The following DOCK11 variants were observed in gnomAD, a reference collection of about 807,000 sequenced individuals.
DOCK11 encodes the protein dedicator of cytokinesis protein 11.
Under a neutral mutation model 169.1 loss-of-function variants are expected in DOCK11, and 70 were observed. The observed-to-expected ratio is 0.41, with a 90% CI of 0.34 to 0.51. The LOEUF (loss-of-function observed/expected upper bound fraction) is 0.51, where lower values mean the gene tolerates loss of function less well. Among genes scored for constraint, DOCK11 ranks in the 20% least tolerant of loss-of-function variants. The pLI, the probability that DOCK11 is intolerant of heterozygous loss-of-function variation, is 0.10. For synonymous variants in DOCK11, 529 were observed against 541.3 expected, an observed-to-expected ratio of 0.98 and a Z score of 0.32; for missense variants, 1,166 against 1,538.8, an observed-to-expected ratio of 0.76 and a Z score of 4.05.
chrX:118,576,653 A>G (rs1164713337), intron 12 of DOCK11, among the ~76,000 whole-genome samples: 1 of 112,333 alleles, frequency 8.9e-6, no homozygotes, highest in Non-Finnish European at 1.9e-5. Context: ...AGCGCAGTGC[A>G]GCGTAGCAGC....
At chrX:118,551,730 AG>A (rs1275610252) in intron 6 of DOCK11, among the ~76,000 whole-genome samples, 1 of 111,390 alleles carries the variant, frequency 9.0e-6, no homozygotes. Context: ...TTCTTTGGAA[AG>A]TTTGAAATTA....
chrX:118,597,944 GA>G, intron 21 of DOCK11, 85 bp from the exon 22 acceptor site: 6 of 720,339 alleles, frequency 8.3e-6, no homozygotes, highest in East Asian at 3.5e-5. Context: ...ATTCATTTCT[GA>G]AAAAAATGTT....
chrX:118,496,685 G>A (rs930824034), intron 1 of DOCK11, among the ~76,000 whole-genome samples: 1 of 112,033 alleles, frequency 8.9e-6, no homozygotes, highest in African/African-American at 3.2e-5. Flanking sequence ...GTGCTGCTGC[G>A]GAGGAAGGGC....
intron 24 of DOCK11, among the ~76,000 whole-genome samples, chrX:118,607,082 T>C (rs1203260595): frequency 9.4e-6 from 1 of 106,923 alleles, no homozygotes; most frequent in Non-Finnish European, 1.9e-5. Flanking sequence ...TTCCTTTCCT[T>C]TTCCCTTTCC....
At chrX:118,531,040 G>A (rs1374587553) in intron 1 of DOCK11, among the ~76,000 whole-genome samples, 1 of 111,748 alleles carries the variant, frequency 8.9e-6, no homozygotes, top group Non-Finnish European at 1.9e-5. Context: ...CTCAAGCATT[G>A]AAAACTAACC....
In DOCK11 at chrX:118,495,935, T is replaced by TCCGC. The variant is rs1224975659; in HGVS notation, c.-27_-24dup. 1.0e-6 allele frequency: 1 copy of TCCGC among 978,020 alleles called. No homozygotes were observed. Among genetic ancestry groups the TCCGC allele is most frequent in the Non-Finnish European group, 1.3e-6 (1 of 763,890 alleles). The allele number at this position is 978,020 out of a possible 1,213,427, so 80.6% of individuals were successfully genotyped here. A position where few individuals can be genotyped will look rare whatever the true frequency, so the allele number is the denominator to read the frequency against. Reference sequence around the variant, plus strand: ...CAGTGAGTCCACCCGCCCGCCGAGGTCCGCCCGCCCGCCGAGACCCGCCCG... The same window carrying TCCGC: ...CAGTGAGTCCACCCGCCCGCCGAGGTCCGCCCGCCCGCCCGCCGAGACCCGCCCG... On this transcript the variant is annotated 5_prime_UTR_variant, in exon 1 of 53. Transcript: ENST00000276202.
intron 1 of DOCK11, among the ~76,000 whole-genome samples, chrX:118,525,110 A>C (rs2011344493): frequency 9.2e-6 from 1 of 108,770 alleles, no homozygotes; most frequent in Admixed American, 9.8e-5. Context: ...GCGCCACTGC[A>C]CTCCAGTCTG....
In DOCK11 at chrX:118,648,948, C is replaced by T; in HGVS notation, c.4402C>T (p.Pro1468Ser). Residue 1468 changes from proline to serine, a missense_variant, in exon 41 of 53, where the codon CCT becomes TCT. Physicochemically the swap from Pro to Ser is moderately conservative, Grantham distance 74. Coordinates refer to ENST00000276202, the MANE Select transcript of DOCK11 (RefSeq NM_144658.4). The part of the protein sequence containing the change: ...ASLRAFISKF[P>S]SAFFKGRVNM... ...TTCTGTTTTCCCTGTTCTTTAGTTT[C>T]CTTCAGCATTTTTCAAAGGAAGAGT... 8.5e-7 allele frequency: 1 copy of T among 1,172,800 alleles called. No homozygotes were observed. The highest frequency in any genetic ancestry group is 1.1e-6 in the Non-Finnish European group (1 of 879,622).
intron 31 of DOCK11, among the ~76,000 whole-genome samples, chrX:118,619,886 C>T (rs960505812): frequency 3.7e-5 from 4 of 107,338 alleles, no homozygotes; most frequent in Admixed American, 1.0e-4. Flanking sequence ...GGTGCGATCT[C>T]GGCTCACTGC....
At chrX:118,601,937 C>G (rs1001443926) in intron 23 of DOCK11, among the ~76,000 whole-genome samples, 1 of 104,712 alleles carries the variant, frequency 9.6e-6, no homozygotes, top group Non-Finnish European at 2.0e-5. Context: ...GCCACCATGC[C>G]CAGCTAATTT....
At chrX:118,643,639 C>CA in intron 40 of DOCK11, 45 bp downstream of exon 40, 1 of 1,185,137 alleles carries the variant, frequency 8.4e-7, no homozygotes, top group Non-Finnish European at 1.1e-6. Context: ...CTCTTCATTG[C>CA]AAAAAGGAAA....
intron 41 of DOCK11, 97 bp from the exon 42 acceptor site, chrX:118,651,867 G>C (rs2147540519): frequency 1.9e-6 from 1 of 535,384 alleles, no homozygotes; most frequent in East Asian, 3.5e-5. Flanking sequence ...TTTAAAAGAA[G>C]CATTTCATGT....
At chrX:118,606,637 G>T (rs1603111891) in intron 24 of DOCK11, among the ~76,000 whole-genome samples, 3 of 112,135 alleles carry the variant, frequency 2.7e-5, no homozygotes, top group Middle Eastern at 9.3e-3. Context: ...CTCTGCTGTT[G>T]CCACAACCTC....
chrX:118,648,556 TTA>T (rs756985022), intron 40 of DOCK11, among the ~76,000 whole-genome samples: 9 of 94,786 alleles, frequency 9.5e-5, no homozygotes, highest in East Asian at 3.0e-4. Flanking sequence ...ATAACATAAA[TTA>T]TATATATTAT....
chrX:118,668,926 G>A (rs747805746), intron 45 of DOCK11, among the ~76,000 whole-genome samples: 134 of 111,718 alleles, frequency 1.2e-3, no homozygotes, highest in Middle Eastern at 4.6e-3. Context: ...CTAGTAGTTC[G>A]CTGTTGTTAT....
At chrX:118,588,092 A>G in intron 16 of DOCK11, 45 bp from the exon 17 acceptor site, 2 of 1,014,260 alleles carry the variant, frequency 2.0e-6, no homozygotes, top group Non-Finnish European at 1.3e-6. Flanking sequence ...TGTGTTAATG[A>G]TTATTAAACT....
At chrX:118,522,363 A>C (rs2011285614) in intron 1 of DOCK11, among the ~76,000 whole-genome samples, 1 of 111,446 alleles carries the variant, frequency 9.0e-6, no homozygotes. Flanking sequence ...CCTGGCTTTG[A>C]ATCCTGACTA....
chrX:118,626,842 T>C (rs545882081), intron 32 of DOCK11, among the ~76,000 whole-genome samples: 2 of 112,704 alleles, frequency 1.8e-5, no homozygotes, highest in African/African-American at 6.4e-5. Context: ...TTCACTTCTC[T>C]GTATTCTTTG....
chrX:118,558,257 A>G (rs1397233114), intron 6 of DOCK11, among the ~76,000 whole-genome samples: 1 of 110,484 alleles, frequency 9.1e-6, no homozygotes, highest in Non-Finnish European at 1.9e-5. Flanking sequence ...AGAGGCATGA[A>G]CCACCGCTCC....
Sources: gnomAD v4.1 joint callset for allele counts (sites outside exome capture counted in the v4.1 genomes callset) on GRCh38, gnomAD v4.1.1 for gene constraint, MANE v1.5 for transcripts, NCBI Gene and HGNC (gene_info 2026-07-23, HGNC 2026-07-21) for gene names.